Variants in ZNF343 observed in about 807,000 individuals in gnomAD.
ZNF343 encodes zinc finger protein 343.
A neutral mutation model predicts 13.8 loss-of-function variants in ZNF343; 11 were observed. The observed-to-expected ratio is 0.80, with a 90% CI of 0.50 to 1.32. ZNF343 has a LOEUF of 1.32. ZNF343 is among the 40% of genes most tolerant of loss of function. The probability of loss-of-function intolerance (pLI) is 0.00; values close to 1 mark genes in which losing one functional copy is unlikely to be tolerated. For synonymous variants in ZNF343, 248 were observed against 260.0 expected (o/e 0.95, Z 0.44); for missense variants, 658 against 714.2 (o/e 0.92, Z 0.90).
chr20:2,499,789 C>G (rs1016785682), intron 2 of ZNF343, among the ~76,000 whole-genome samples: 46 of 152,258 alleles, frequency 3.0e-4, no homozygotes, highest in Non-Finnish European at 6.2e-4. Flanking sequence ...AAATCATCAA[C>G]AGGTAAAGAG....
chr20:2,483,982 A>G lies in ZNF343; in HGVS notation c.979T>C (p.Cys327Arg), dbSNP rs1216378159. The change falls in exon 6 of 6, where the codon TGC becomes CGC. Residue 327 changes from cysteine (C) to arginine (R), a missense_variant. Coordinates refer to ENST00000278772, the MANE Select transcript of ZNF343 (RefSeq NM_024325.6). ...RTHSEEKPYLCRECGQSFRSK... is the reference protein window; with the variant it reads ...RTHSEEKPYLRRECGQSFRSK... ...CTAAAGCTTTGCCCACACTCCCTGC[A>G]CAAATAAGGCTTCTCTTCTGAATGT... 4 of 1,614,070 alleles carry G rather than the reference A, an allele frequency of 2.5e-6. No individual in the cohort carries two copies. The Admixed American group carries it at 5.0e-5, about 20-fold the overall frequency.
intron 5 of ZNF343, chr20:2,492,130 A>G (rs1340260535): frequency 6.4e-6 from 1 of 155,470 alleles, no homozygotes; most frequent in Admixed American, 6.5e-5. Context: ...AACATAGTTT[A>G]TGAAACCCCC....
rs1338101097 is a variant in ZNF343 at position 2,484,435 on chromosome 20, C to T, written c.526G>A (p.Gly176Ser). ...GTCCTTGCAGACCAGGGTTTGGAGC[C>T]ACCTCCTCTCTCCTGACCTTCTGCA... Reference protein sequence around the residue: ...ENAEGQERGGGSKPWSARTEE... With the variant: ...ENAEGQERGGSSKPWSARTEE... The change falls in exon 6 of 6, where the codon GGC (glycine) becomes AGC (serine). Residue 176 changes from glycine (G) to serine (S), a missense_variant. Transcript: ENST00000278772. 1.9e-6 allele frequency: 3 copies of T among 1,614,186 alleles called. No homozygotes were observed. The highest frequency in any genetic ancestry group is 1.7e-5 in the Admixed American group (1 of 60,028).
In ZNF343 at chr20:2,493,820, C is replaced by T. The variant is rs972588881; in HGVS notation, c.76G>A (p.Val26Ile). The T allele has an allele frequency of 1.9e-6, 3 of 1,613,948 alleles. No individual in the cohort carries two copies. The highest frequency in any genetic ancestry group is 2.2e-5 in the East Asian group (1 of 44,884). The change falls in exon 3 of 6, where the codon GTA (valine) becomes ATA (isoleucine). Residue 26 changes from valine (V) to isoleucine (I), a missense_variant. By Grantham distance (29) the Val-to-Ile change is conservative. Transcript: ENST00000278772. ...EILLPKNGEN[V>I]ETMKKLTQNH... ...TGGGTCAATTTCTTCATAGTCTCTA[C>T]ATTTTCCCCATTCTTTGGAAGCAAA... is the stretch of plus-strand genomic sequence containing the variant.
chr20:2,513,054 T>G (rs1473689298), upstream of ZNF343, among the ~76,000 whole-genome samples: 2 of 152,026 alleles, frequency 1.3e-5, no homozygotes, highest in African/African-American at 4.8e-5. Context: ...GAGCCATGAT[T>G]GTACCACTGC....
At chr20:2,493,006 G>C in intron 4 of ZNF343, 181 bp from the exon 5 acceptor site, 1 of 730,100 alleles carries the variant, frequency 1.4e-6, no homozygotes, top group Admixed American at 2.8e-5. Flanking sequence ...GTTAAAACCT[G>C]TGAGGAGCAT....
intron 1 of ZNF343, among the ~76,000 whole-genome samples, chr20:2,522,280 A>C (rs1289822930): frequency 6.6e-6 from 1 of 152,226 alleles, no homozygotes; most frequent in East Asian, 1.9e-4. Context: ...ATTTATCTAA[A>C]TTGGTTCTAA....
In ZNF343 at chr20:2,483,471, T is replaced by C. The variant is rs145983777; in HGVS notation, c.1490A>G (p.Glu497Gly). 1 of 1,610,976 alleles carries C rather than the reference T, an allele frequency of 6.2e-7. No individual in the cohort carries two copies. Among genetic ancestry groups the C allele is most frequent in the African/African-American group, 1.4e-5 (1 of 74,002 alleles). Reference sequence around the variant, plus strand: ...CTTCTGGCTAAAACCTCGCCTACACTCCCTGCAGACATAATGCTTCTCCCC... The same window carrying C: ...CTTCTGGCTAAAACCTCGCCTACACCCCCTGCAGACATAATGCTTCTCCCC... ...HSGEKHYVCR[E>G]CRRGFSQKSN... is the part of the protein sequence containing the mutation. The change falls in exon 6 of 6, where the codon GAG becomes GGG. Residue 497 changes from glutamate (E) to glycine (G), a missense_variant. Coordinates refer to ENST00000278772, the MANE Select transcript of ZNF343 (RefSeq NM_024325.6).
chr20:2,499,414 G>A (rs1223399038), intron 2 of ZNF343, among the ~76,000 whole-genome samples: 4 of 96,030 alleles, frequency 4.2e-5, no homozygotes, highest in Admixed American at 2.2e-4. Context: ...GCAGTGAGCC[G>A]AGATCCCGCC....
intron 5 of ZNF343, among the ~76,000 whole-genome samples, chr20:2,485,390 G>A (rs558169650): frequency 6.6e-6 from 1 of 152,308 alleles, no homozygotes; most frequent in African/African-American, 2.4e-5. Flanking sequence ...ACTAGATGTT[G>A]CATTTCATCA....
intron 2 of ZNF343, among the ~76,000 whole-genome samples, chr20:2,499,464 CAAAAAAA>C (rs35155995): frequency 7.5e-5 from 5 of 66,540 alleles, no homozygotes; most frequent in Admixed American, 2.2e-4. Flanking sequence ...GACTCCGTCT[CAAAAAAA>C]AAAAAAAAAA....
rs2085696626 is a variant in ZNF343, at chr20:2,508,111, T to C, written c.-237+770A>G. Among the ~76,000 whole-genome samples the C allele has an allele frequency of 6.6e-6, 1 of 151,916 alleles. No individual in the cohort carries two copies. The highest frequency in any genetic ancestry group is 2.4e-5 in the African/African-American group (1 of 41,326). The stretch of plus-strand genomic sequence containing the variant: ...GACAACAGGTCCCAGAGAAAAGACC[T>C]GCCCCCATTCAAAAGAGCTGCCTAG... On this transcript the variant is annotated intron_variant, in intron 1 of 5. Transcript: ENST00000278772. This position sits in a 1 kb window ranked among gnomAD's most constrained non-coding sequence, Gnocchi z 4.5.
chr20:2,483,049 TCA>T lies in ZNF343; in HGVS notation c.*110_*111del, dbSNP rs1366991846. On this transcript the variant is annotated 3_prime_UTR_variant, in exon 6 of 6. Coordinates refer to ENST00000278772, the MANE Select transcript of ZNF343 (RefSeq NM_024325.6). ...GGCTGACACATCTCTGGAACTTCAC[TCA>T]CAATCTGTGTACACAGGGTCTACTC... 5.4e-6 allele frequency: 7 copies of T among 1,308,374 alleles called. No individual in the cohort carries two copies. The highest frequency in any genetic ancestry group is 7.3e-6 in the Non-Finnish European group (7 of 961,094). 81.0% of individuals were successfully genotyped at this position (1,308,374 alleles called of 1,614,324 possible).
chr20:2,501,239 A>G (rs2085560248), intron 1 of ZNF343, among the ~76,000 whole-genome samples: 1 of 152,146 alleles, frequency 6.6e-6, no homozygotes, highest in Admixed American at 6.5e-5. Context: ...ATCAAACTGC[A>G]AGGCGGCAGC....
chr20:2,512,862 G>T (rs2085744188), upstream of ZNF343, among the ~76,000 whole-genome samples: 1 of 149,844 alleles, frequency 6.7e-6, no homozygotes, highest in Non-Finnish European at 1.5e-5. Flanking sequence ...AAGGCAGGAG[G>T]ATCATTTGAG....
intron 1 of ZNF343, among the ~76,000 whole-genome samples, chr20:2,521,138 T>G (rs1349282595): frequency 1.3e-5 from 2 of 152,132 alleles, no homozygotes; most frequent in Non-Finnish European, 2.9e-5. Flanking sequence ...GAAATGAACG[T>G]GTAATCTCTG....
intron 2 of ZNF343, chr20:2,495,574 T>C (rs1472842277): frequency 6.6e-6 from 1 of 152,194 alleles, no homozygotes; most frequent in Non-Finnish European, 1.5e-5. Context: ...GTACCTGCAG[T>C]ATAACGTAGC....
intron 1 of ZNF343, among the ~76,000 whole-genome samples, chr20:2,522,255 CT>C (rs2085785886): frequency 6.6e-6 from 1 of 152,132 alleles, no homozygotes; most frequent in African/African-American, 2.4e-5. Context: ...GGACATATTC[CT>C]TAATACTGCT....
chr20:2,499,256 G>A (rs939091240), intron 2 of ZNF343, among the ~76,000 whole-genome samples: 2 of 145,270 alleles, frequency 1.4e-5, no homozygotes, highest in Non-Finnish European at 3.0e-5. Context: ...ACGAGGTCAG[G>A]AGATCGAGAC....
Sources: allele counts gnomAD v4.1 joint callset (sites outside exome capture counted in the v4.1 genomes callset), GRCh38; gene constraint gnomAD v4.1.1; non-coding constraint Gnocchi (gnomAD v3.1); transcripts MANE v1.5; gene names NCBI Gene and HGNC (gene_info 2026-07-23, HGNC 2026-07-21).